RGS6: variants seen among roughly 807,000 people sequenced by gnomAD.
RGS6 encodes regulator of G protein signaling 6.
Under a neutral mutation model 78.5 loss-of-function variants are expected in RGS6, and 30 were observed. That is an observed-to-expected ratio of 0.38 (90% CI 0.29 to 0.52). The LOEUF is 0.52. RGS6 is among the 20% of genes least tolerant of loss of function. The pLI is 0.85. For missense variants in RGS6, 495 were observed against 609.7 expected (o/e 0.81, Z 1.98); for synonymous variants, 206 against 206.0 (o/e 1.00, Z 0.00).
At chr14:72,128,076 G>T (rs960988354) in intron 2 of RGS6, among the ~76,000 whole-genome samples, 1 of 152,052 alleles carries the variant, frequency 6.6e-6, no homozygotes, top group African/African-American at 2.4e-5. Context: ...CATCTGTGCT[G>T]TTTCCAAATT....
At chr14:72,485,305 G>A (rs1388403613) in intron 12 of RGS6, among the ~76,000 whole-genome samples, 3 of 152,150 alleles carry the variant, frequency 2.0e-5, no homozygotes, top group Admixed American at 2.0e-4. Context: ...GCTGTGTACT[G>A]TTATATGCTG....
chr14:72,338,905 T>A (rs2076501579), intron 2 of RGS6, among the ~76,000 whole-genome samples: 1 of 152,232 alleles, frequency 6.6e-6, no homozygotes, highest in South Asian at 2.1e-4. Flanking sequence ...AGTGAGTAAC[T>A]GTGTGGCAGG....
chr14:72,484,719 T>A (rs939137882), intron 12 of RGS6, among the ~76,000 whole-genome samples: 1 of 152,188 alleles, frequency 6.6e-6, no homozygotes, highest in Non-Finnish European at 1.5e-5. Flanking sequence ...TAGACCCTAA[T>A]TAGCAATCTA....
intron 2 of RGS6, among the ~76,000 whole-genome samples, chr14:72,267,613 G>C (rs1235749139): frequency 6.6e-6 from 1 of 152,208 alleles, no homozygotes; most frequent in Non-Finnish European, 1.5e-5. Flanking sequence ...ATTGGGTGCT[G>C]ACAGGACAAG....
intron 2 of RGS6, among the ~76,000 whole-genome samples, chr14:72,057,156 A>C (rs2093655842): frequency 6.6e-6 from 1 of 151,966 alleles, no homozygotes; most frequent in African/African-American, 2.4e-5. Context: ...TCTACTAAAA[A>C]TACAAAAATT....
chr14:72,514,346 G>A (rs531967540), intron 14 of RGS6, among the ~76,000 whole-genome samples: 1 of 152,350 alleles, frequency 6.6e-6, no homozygotes, highest in Non-Finnish European at 1.5e-5. Context: ...GAAAAGATAT[G>A]TAAACTGGTG....
chr14:72,199,886 A>G (rs866384208), intron 2 of RGS6, among the ~76,000 whole-genome samples: 1 of 152,294 alleles, frequency 6.6e-6, no homozygotes, highest in Middle Eastern at 3.4e-3. Context: ...ATTTAGGCAC[A>G]CTCATTTATA....
At chr14:72,305,280 C>T (rs562064874) in intron 2 of RGS6, among the ~76,000 whole-genome samples, 29 of 152,238 alleles carry the variant, frequency 1.9e-4, no homozygotes, top group South Asian at 1.7e-3. Context: ...ATCACATTTA[C>T]CTTCTTTTGT....
intron 12 of RGS6, among the ~76,000 whole-genome samples, chr14:72,479,854 T>C (rs908963365): frequency 5.3e-5 from 8 of 152,200 alleles, no homozygotes; most frequent in African/African-American, 1.9e-4. Context: ...ACGAGCTTCT[T>C]TCTCTGTGAA....
chr14:72,468,479 AT>A (rs1036640947), intron 7 of RGS6, among the ~76,000 whole-genome samples: 26 of 152,324 alleles, frequency 1.7e-4, no homozygotes, highest in Non-Finnish European at 3.1e-4. Flanking sequence ...AAATGCAATA[AT>A]TTTTTTATGA....
intron 2 of RGS6, among the ~76,000 whole-genome samples, chr14:72,142,640 G>A (rs1242386875): frequency 6.6e-6 from 1 of 152,192 alleles, no homozygotes; most frequent in Non-Finnish European, 1.5e-5. Context: ...TAGGGCTCTG[G>A]AGTGCAGCTC....
the RGS6 span, among the ~76,000 whole-genome samples, chr14:71,923,515 G>A: frequency 2.0e-5 from 3 of 152,156 alleles, no homozygotes; most frequent in African/African-American, 7.2e-5. Context: ...GAGCCCAGGA[G>A]TTTGAGTCCA....
At chr14:72,546,664 G>C (rs1567101866) in intron 17 of RGS6, among the ~76,000 whole-genome samples, 1 of 152,152 alleles carries the variant, frequency 6.6e-6, no homozygotes, top group Non-Finnish European at 1.5e-5. Flanking sequence ...TTCCCTGGTG[G>C]GCCCTCCCTC....
intron 2 of RGS6, among the ~76,000 whole-genome samples, chr14:72,197,915 A>G (rs943642983): frequency 2.0e-5 from 3 of 152,118 alleles, no homozygotes; most frequent in East Asian, 1.9e-4. Flanking sequence ...TAAAGTAGCT[A>G]TAGCAACTTT....
At chr14:72,373,105 C>G (rs2083859001) in intron 3 of RGS6, among the ~76,000 whole-genome samples, 2 of 152,082 alleles carry the variant, frequency 1.3e-5, no homozygotes, top group South Asian at 4.2e-4. Context: ...CCGAGCCCAC[C>G]CTTTTCCTGT....
intron 3 of RGS6, among the ~76,000 whole-genome samples, chr14:72,412,547 T>C (rs138798964): frequency 1.4e-3 from 213 of 152,226 alleles, no homozygotes; most frequent in African/African-American, 4.7e-3. Context: ...TTTTGAAGGG[T>C]TTTTTGTGTC....
At chr14:72,037,747 A>G (rs1160953422) in intron 2 of RGS6, among the ~76,000 whole-genome samples, 4 of 152,208 alleles carry the variant, frequency 2.6e-5, no homozygotes, top group African/African-American at 9.6e-5. Flanking sequence ...TTCTGAAGTA[A>G]TGGAAATGGG....
intron 2 of RGS6, among the ~76,000 whole-genome samples, chr14:71,991,630 CAG>C (rs1371381922): frequency 6.6e-6 from 1 of 152,178 alleles, no homozygotes; most frequent in Non-Finnish European, 1.5e-5. Context: ...ACCCCCTGCT[CAG>C]AGAGTTGTGG....
intron 3 of RGS6, among the ~76,000 whole-genome samples, chr14:72,362,372 A>G (rs891399506): frequency 1.3e-5 from 2 of 152,214 alleles, no homozygotes; most frequent in Non-Finnish European, 2.9e-5. Flanking sequence ...CAAACCCACA[A>G]ACTATAATTG....
Sources: gnomAD v4.1 joint callset for allele counts (sites outside exome capture counted in the v4.1 genomes callset) on GRCh38, gnomAD v4.1.1 for gene constraint, MANE v1.5 for transcripts, NCBI Gene and HGNC (gene_info 2026-07-23, HGNC 2026-07-21) for gene names.